SLC17A1: variants seen among roughly 807,000 people sequenced by gnomAD.
The protein encoded by SLC17A1 is solute carrier family 17 member 1, also known as sodium-dependent phosphate transport protein 1.
A neutral mutation model predicts 53.5 loss-of-function variants in SLC17A1; 51 were observed. The ratio of observed to expected loss-of-function variants is 0.95; its 90% CI spans 0.76 to 1.20. The LOEUF (loss-of-function observed/expected upper bound fraction) is 1.20. SLC17A1 is among the 50% of genes most tolerant of loss of function. The pLI, the probability that SLC17A1 is intolerant of heterozygous loss-of-function variation, is 0.00. For synonymous variants in SLC17A1, 179 were observed against 198.8 expected (o/e 0.90, Z 0.84); for missense variants, 538 against 568.2 (o/e 0.95, Z 0.54).
chr6:25,727,246 T>G, the SLC17A1 span: 1 of 1,612,606 alleles, frequency 6.2e-7, no homozygotes, highest in East Asian at 2.2e-5. Flanking sequence ...AAACATGCTG[T>G]GTCTGAGGGC....
At chr6:25,813,821 T>C (rs1764244463) in intron 6 of SLC17A1, among the ~76,000 whole-genome samples, 1 of 152,178 alleles carries the variant, frequency 6.6e-6, no homozygotes, top group South Asian at 2.1e-4. Context: ...CACTTACAAA[T>C]GAGAACATGC....
At chr6:25,729,749 T>A in the SLC17A1 span, among the ~76,000 whole-genome samples, 15 of 152,250 alleles carry the variant, frequency 9.9e-5, no homozygotes, top group South Asian at 1.0e-3. Context: ...CATTTTTTTT[T>A]AATATCCTTC....
At chr6:25,831,236 C>G (rs1764935981) in intron 1 of SLC17A1, among the ~76,000 whole-genome samples, 1 of 152,152 alleles carries the variant, frequency 6.6e-6, no homozygotes, top group South Asian at 2.1e-4. Context: ...ATGGAGCAGT[C>G]TCCTATCAGG....
chr6:25,729,044 A>C, the SLC17A1 span, among the ~76,000 whole-genome samples: 2 of 152,194 alleles, frequency 1.3e-5, no homozygotes, highest in Admixed American at 6.5e-5. Context: ...ACACCTTGGA[A>C]AACAGCAGGT....
the SLC17A1 span, among the ~76,000 whole-genome samples, chr6:25,727,580 C>T: frequency 1.3e-5 from 2 of 151,208 alleles, no homozygotes; most frequent in African/African-American, 4.9e-5. Context: ...TTAGTAGAGA[C>T]GGGGTTTCAC....
chr6:25,746,737 T>C, the SLC17A1 span, among the ~76,000 whole-genome samples: 352 of 152,312 alleles, frequency 2.3e-3, 2 homozygotes, highest in African/African-American at 7.8e-3. Context: ...AATAGCTAGC[T>C]TCTAAGGTGG....
At chr6:25,732,077 C>G in the SLC17A1 span, 2 of 1,116,176 alleles carry the variant, frequency 1.8e-6, no homozygotes, top group Admixed American at 5.1e-5. Flanking sequence ...ATCTCTTGCG[C>G]TTTTTGTCCT....
rs535153373 is a variant in SLC17A1, at chr6:25,815,525, T to C, written c.617-2312A>G. On this transcript the variant is annotated intron_variant, in intron 6 of 12. Coordinates refer to ENST00000244527, the MANE Select transcript of SLC17A1 (RefSeq NM_005074.5). ...TCTTTTCCCCTTTCCCCTTTTCCTC[T>C]TGCTCCTCATTTCCAACTTAGCCCT... Among the ~76,000 whole-genome samples the C allele has an allele frequency of 5.3e-5, 8 of 152,294 alleles. No individual in the cohort carries two copies. The South Asian group carries it at 1.2e-3, about 24-fold the overall frequency.
chr6:25,731,937 C>T, the SLC17A1 span: 4 of 1,600,706 alleles, frequency 2.5e-6, no homozygotes, highest in East Asian at 4.5e-5. Context: ...GGAAGCCTCA[C>T]AGGCAATGCG....
the SLC17A1 span, among the ~76,000 whole-genome samples, chr6:25,745,085 T>C: frequency 2.0e-5 from 3 of 152,174 alleles, no homozygotes; most frequent in Non-Finnish European, 2.9e-5. Context: ...GTGACTTCTC[T>C]GATCAAACAG....
At chr6:25,727,411 T>TTC in the SLC17A1 span, 3 of 933,064 alleles carry the variant, frequency 3.2e-6, no homozygotes, top group East Asian at 2.8e-5. Flanking sequence ...TTTTTTTTTT[T>TTC]TTGAGGCGGA....
At chr6:25,784,120 G>T (rs1489622447) in intron 12 of SLC17A1, among the ~76,000 whole-genome samples, 1 of 152,030 alleles carries the variant, frequency 6.6e-6, no homozygotes, top group Admixed American at 6.6e-5. Flanking sequence ...TTAAAACATG[G>T]CGTCCATACA....
the SLC17A1 span, among the ~76,000 whole-genome samples, chr6:25,760,590 T>C: frequency 6.6e-6 from 1 of 152,168 alleles, no homozygotes; most frequent in Non-Finnish European, 1.5e-5. Flanking sequence ...TTTGTCCTCC[T>C]AGAAGTCCTA....
chr6:25,765,671 T>TA, the SLC17A1 span, among the ~76,000 whole-genome samples: 3 of 152,088 alleles, frequency 2.0e-5, no homozygotes, highest in African/African-American at 7.3e-5. Context: ...ACTGCAGAGT[T>TA]AAAATGGAAT....
the SLC17A1 span, among the ~76,000 whole-genome samples, chr6:25,757,368 CATCTGCTTGGTGCTGTAACTTTAT>C: frequency 3.0e-4 from 45 of 152,174 alleles, no homozygotes; most frequent in African/African-American, 1.0e-3. Flanking sequence ...TATTCCTTTA[CATCTGCTTGGTGCTGTAACTTTAT>C]ATCTGCTTGG....
chr6:25,830,284 A>G (rs1435742693), intron 2 of SLC17A1, among the ~76,000 whole-genome samples: 1 of 152,198 alleles, frequency 6.6e-6, no homozygotes, highest in Non-Finnish European at 1.5e-5. Flanking sequence ...TTTCCACTAA[A>G]TGATAAACTG....
chr6:25,807,773 A>G (rs767992323), intron 10 of SLC17A1, among the ~76,000 whole-genome samples: 10 of 152,094 alleles, frequency 6.6e-5, no homozygotes, highest in Non-Finnish European at 1.2e-4. Flanking sequence ...AACTTCATCC[A>G]GGTTACTGTG....
chr6:25,772,658 G>A, the SLC17A1 span, among the ~76,000 whole-genome samples: 1 of 152,088 alleles, frequency 6.6e-6, no homozygotes, highest in South Asian at 2.1e-4. Context: ...TTCACATAAT[G>A]TACTGCTGCT....
At chr6:25,768,847 T>C in the SLC17A1 span, 1 of 797,520 alleles carries the variant, frequency 1.3e-6, no homozygotes, top group East Asian at 2.7e-5. Context: ...AAAATTCCAC[T>C]ACACACCTAC....
Sources: allele counts gnomAD v4.1 joint callset (sites outside exome capture counted in the v4.1 genomes callset), GRCh38; gene constraint gnomAD v4.1.1; transcripts MANE v1.5; gene names NCBI Gene and HGNC (gene_info 2026-07-23, HGNC 2026-07-21).